Variants in BSDC1 observed in about 807,000 individuals in gnomAD.
BSDC1 encodes BSD domain-containing protein 1.
In BSDC1, 29 loss-of-function variants were observed where a neutral mutation model predicts 56.0. That is an observed-to-expected ratio of 0.52 (90% confidence interval 0.39 to 0.71). The LOEUF is 0.71. Ranked by LOEUF, BSDC1 falls within the 30% of genes least tolerant of loss-of-function variation. The probability of loss-of-function intolerance (pLI) is 0.00; values close to 1 mark genes in which losing one functional copy is unlikely to be tolerated. For synonymous variants in BSDC1, 210 were observed against 215.3 expected (o/e 0.98, Z 0.21); for missense variants, 477 against 548.5 (o/e 0.87, Z 1.30).
chr1:32,386,792 T>A lies in BSDC1; in HGVS notation c.176A>T (p.Lys59Met). 1 of 1,612,970 alleles carries A rather than the reference T, an allele frequency of 6.2e-7. No homozygotes were observed. Among genetic ancestry groups the A allele is most frequent in the Non-Finnish European group, 8.5e-7 (1 of 1,179,950 alleles). ...GGTGGTACTCACAGCCAGCTTCTCC[T>A]TGACCACGCTGGCCGTGGCTGCGAT... The part of the protein sequence containing the change: ...CTIAATASVV[K>M]EKLATEGSSG... Residue 59 changes from lysine to methionine, a missense_variant, in exon 3 of 11, where the codon AAG (lysine) becomes ATG (methionine). By Grantham distance (95) the Lys-to-Met change is moderately conservative. Coordinates refer to ENST00000455895, the MANE Select transcript of BSDC1 (RefSeq NM_018045.8).
rs1347619896 is a variant in BSDC1 at position 32,376,491 on chromosome 1, C to T, written c.927G>A (p.Leu309=). The T allele has an allele frequency of 1.2e-6, 2 of 1,611,020 alleles. No homozygotes were observed. Among genetic ancestry groups the T allele is most frequent in the Non-Finnish European group, 1.7e-6 (2 of 1,177,704 alleles). ...CCTGTTCCTCCAAGGATGCCTCTAG[C>T]AGCTTTTGGGACAGGTCCTTGGGTA... ...RVLPKDLSQK[L]LEASLEEQGL... The change falls in exon 9 of 11, where the codon CTG becomes CTA. Residue 309 remains leucine (L), a synonymous_variant. Coordinates refer to ENST00000455895, the MANE Select transcript of BSDC1 (RefSeq NM_018045.8).
intron 2 of BSDC1, among the ~76,000 whole-genome samples, chr1:32,387,324 G>GA (rs1642706796): frequency 6.7e-6 from 1 of 150,030 alleles, no homozygotes; most frequent in Admixed American, 6.6e-5. Flanking sequence ...CAAATAACAT[G>GA]AAAAAAAGGT....
chr1:32,393,931 G>A, intron 2 of BSDC1, 149 bp downstream of exon 2: 1 of 685,180 alleles, frequency 1.5e-6, no homozygotes, highest in East Asian at 2.7e-5. Context: ...CTGTCTTCCC[G>A]TGGACCGGTA....
At chr1:32,370,664 G>A (rs915637377) in intron 9 of BSDC1, among the ~76,000 whole-genome samples, 1 of 151,760 alleles carries the variant, frequency 6.6e-6, no homozygotes, top group Non-Finnish European at 1.5e-5. Flanking sequence ...TTAGCTGGGG[G>A]TGGTGGCAAG....
intron 3 of BSDC1, among the ~76,000 whole-genome samples, chr1:32,384,479 G>A (rs551322172): frequency 6.6e-6 from 1 of 152,182 alleles, no homozygotes; most frequent in Admixed American, 6.5e-5. Flanking sequence ...TCCTTCATAG[G>A]GTTACCATGA....
intron 9 of BSDC1, among the ~76,000 whole-genome samples, chr1:32,372,382 C>G (rs1327123530): frequency 6.6e-6 from 1 of 152,238 alleles, no homozygotes; most frequent in Non-Finnish European, 1.5e-5. Flanking sequence ...TGACAGCTTT[C>G]CCTAACCTCA....
At position 32,376,703 on chromosome 1, in the gene BSDC1, C is replaced by T. The variant is rs192255640; in HGVS notation, c.715G>A (p.Ala239Thr). The T allele has an allele frequency of 7.0e-6, 10 of 1,427,154 alleles. No homozygotes were observed. Among genetic ancestry groups the T allele is most frequent in the Non-Finnish European group, 9.3e-6 (10 of 1,079,510 alleles). The allele number at this position is 1,427,154 out of a possible 1,614,324, so 88.4% of individuals were successfully genotyped here. The change falls in exon 9 of 11, where the codon GCA becomes ACA. Residue 239 changes from alanine (A) to threonine (T), a missense_variant. Coordinates refer to ENST00000455895, the MANE Select transcript of BSDC1 (RefSeq NM_018045.8). ...MGISPISPKEAKVPVAKISTF... is the reference protein window; with the variant it reads ...MGISPISPKETKVPVAKISTF... Reference sequence around the variant, plus strand: ...GAAATTTTGGCCACAGGAACCTTTGCCTCTTTTGGAGATATGGGTGAAATG... The same window carrying T: ...GAAATTTTGGCCACAGGAACCTTTGTCTCTTTTGGAGATATGGGTGAAATG...
At position 32,376,436 on chromosome 1, in the gene BSDC1, G is replaced by A. The variant is rs746040723; in HGVS notation, c.982C>T (p.Pro328Ser). 19 of 1,613,202 alleles carry A rather than the reference G, an allele frequency of 1.2e-5. No homozygotes were observed. The highest frequency in any genetic ancestry group is 4.0e-5 in the African/African-American group (3 of 74,926). Residue 328 changes from proline to serine, a missense_variant, in exon 9 of 11, where the codon CCC becomes TCC. Coordinates refer to ENST00000455895, the MANE Select transcript of BSDC1 (RefSeq NM_018045.8). ...GGCTTGGAGTGAATAGGGGGTGAGG[G>A]TCCAGTCTCACCCACATCCACAGCC... Reference protein sequence around the residue: ...GLAVDVGETGPSPPIHSKPLT... With the variant: ...GLAVDVGETGSSPPIHSKPLT...
intron 10 of BSDC1, 111 bp downstream of exon 10, chr1:32,368,336 C>G (rs757600307): frequency 1.2e-5 from 19 of 1,613,378 alleles, no homozygotes; most frequent in Admixed American, 1.7e-5. Flanking sequence ...CCACCTGTCA[C>G]CTCAGACAGG....
At chr1:32,367,816 G>T in intron 10 of BSDC1, 1 of 917,830 alleles carries the variant, frequency 1.1e-6, no homozygotes, top group Non-Finnish European at 1.3e-6. Flanking sequence ...GCCCTAAGGT[G>T]TCTACATGGA....
chr1:32,370,141 A>C (rs189964922), intron 9 of BSDC1, among the ~76,000 whole-genome samples: 30 of 152,176 alleles, frequency 2.0e-4, no homozygotes, highest in South Asian at 8.3e-4. Flanking sequence ...CCATGCCTGG[A>C]TAATTTTTGT....
chr1:32,377,913 G>C, intron 8 of BSDC1, 57 bp downstream of exon 8: 1 of 1,537,574 alleles, frequency 6.5e-7, no homozygotes, highest in Admixed American at 1.8e-5. Context: ...GCATGGCCCA[G>C]CCCAGAGCGT....
At chr1:32,388,346 C>A (rs1294659265) in intron 2 of BSDC1, among the ~76,000 whole-genome samples, 1 of 152,056 alleles carries the variant, frequency 6.6e-6, no homozygotes, top group African/African-American at 2.4e-5. Context: ...TGGAGGAGGT[C>A]ATTTACTTAT....
At position 32,378,404 on chromosome 1, in the gene BSDC1, T is replaced by A; in HGVS notation, c.529-121A>T. ...TCAGACCCAGTAAGTGGCTTAGCAG[T>A]GACAGTCAGAGCACTTCCACCCCCA... On this transcript the variant is annotated intron_variant, in intron 6 of 10. Transcript: ENST00000455895. This position sits in a 1 kb window ranked among gnomAD's most constrained non-coding sequence, Gnocchi z 5.2. 1.0e-6 allele frequency: 1 copy of A among 974,488 alleles called. No individual in the cohort carries two copies. Among genetic ancestry groups the A allele is most frequent in the Non-Finnish European group, 1.6e-6 (1 of 628,624 alleles). The allele number at this position is 974,488 out of a possible 1,614,324, so 60.4% of individuals were successfully genotyped here. A position where few individuals can be genotyped will look rare whatever the true frequency, so the allele number is the denominator to read the frequency against.
intron 10 of BSDC1, chr1:32,368,013 A>G: frequency 8.7e-7 from 1 of 1,150,014 alleles, no homozygotes; most frequent in South Asian, 2.4e-5. Flanking sequence ...GCAGGGTTTG[A>G]TGTCTGTTTT....
At chr1:32,373,047 G>A (rs1642149431) in intron 9 of BSDC1, among the ~76,000 whole-genome samples, 1 of 152,122 alleles carries the variant, frequency 6.6e-6, no homozygotes, top group South Asian at 2.1e-4. Flanking sequence ...CTTTGGCTAG[G>A]GTACCCCAAG....
Position 32,378,077 on chromosome 1 carries a change from G to T in BSDC1, c.598-29C>A. ...AATGTGGGGGAGCAGAAGGCCACAG[G>T]CAGTCAGGGCACCCTCTTCCTAGAC... On this transcript the variant is annotated intron_variant, in intron 7 of 10. Coordinates refer to ENST00000455895, the MANE Select transcript of BSDC1 (RefSeq NM_018045.8). This position sits in a 1 kb window ranked among gnomAD's most constrained non-coding sequence, Gnocchi z 5.2. 6.3e-7 allele frequency: 1 copy of T among 1,599,208 alleles called. No homozygotes were observed. Among genetic ancestry groups the T allele is most frequent in the Non-Finnish European group, 8.5e-7 (1 of 1,171,392 alleles).
At chr1:32,389,016 G>A (rs1012381297) in intron 2 of BSDC1, among the ~76,000 whole-genome samples, 8 of 149,270 alleles carry the variant, frequency 5.4e-5, no homozygotes, top group East Asian at 3.9e-4. Flanking sequence ...GTGCAGTGGC[G>A]CGATCTCTGC....
intron 9 of BSDC1, among the ~76,000 whole-genome samples, chr1:32,372,036 C>A (rs1236484063): frequency 6.6e-6 from 1 of 152,208 alleles, no homozygotes; most frequent in Non-Finnish European, 1.5e-5. Context: ...TAAGCAGGTA[C>A]CTGTGTGTTC....
Sources: allele counts gnomAD v4.1 joint callset (sites outside exome capture counted in the v4.1 genomes callset), GRCh38; gene constraint gnomAD v4.1.1; non-coding constraint Gnocchi (gnomAD v3.1); transcripts MANE v1.5; gene names NCBI Gene and HGNC (gene_info 2026-07-23, HGNC 2026-07-21).